PGM1: variants seen among roughly 807,000 people sequenced by gnomAD.
PGM1 encodes the protein phosphoglucomutase-1.
In PGM1, 52 loss-of-function variants were observed where a neutral mutation model predicts 55.6. The observed-to-expected ratio is 0.94, with a 90% CI of 0.75 to 1.18. PGM1 has a LOEUF of 1.18. Ranked by LOEUF, PGM1 falls within the 50% of genes most tolerant of loss-of-function variation. PGM1 has a pLI of 0.00. For synonymous variants in PGM1, 287 were observed against 271.7 expected (o/e 1.06, Z -0.55); for missense variants, 724 against 729.3 (o/e 0.99, Z 0.08).
chr1:63,651,588 A>G, intron 8 of PGM1, 81 bp from the exon 9 acceptor site: 1 of 1,354,122 alleles, frequency 7.4e-7, no homozygotes, highest in Non-Finnish European at 1.0e-6. Flanking sequence ...GGCCAAACAA[A>G]TGATGAAGAA....
At chr1:63,603,988 G>GAGTGCACATATGAGAATCATCTCA (rs997080869) in intron 1 of PGM1, among the ~76,000 whole-genome samples, 2 of 152,176 alleles carry the variant, frequency 1.3e-5, no homozygotes, top group African/African-American at 4.8e-5. Context: ...ATGCTACTCA[G>GAGTGCACATATGAGAATCATCTCA]AGTGCACATA....
At chr1:63,601,138 G>A (rs1359362590) in intron 1 of PGM1, among the ~76,000 whole-genome samples, 1 of 152,188 alleles carries the variant, frequency 6.6e-6, no homozygotes, top group Non-Finnish European at 1.5e-5. Flanking sequence ...GAAGGCGGAA[G>A]AGGAGAAGAG....
chr1:63,634,722 A>G, intron 4 of PGM1, 107 bp from the exon 5 acceptor site: 1 of 871,842 alleles, frequency 1.1e-6, no homozygotes, highest in East Asian at 2.5e-5. Context: ...GTTGTTTCTC[A>G]TGCCATTCTT....
chr1:63,631,176 A>G (rs1213102523), intron 3 of PGM1, among the ~76,000 whole-genome samples: 2 of 152,244 alleles, frequency 1.3e-5, no homozygotes, highest in Non-Finnish European at 2.9e-5. Flanking sequence ...GATTCATTAA[A>G]AAATTTCATT....
In PGM1 at chr1:63,636,381, C is replaced by G; in HGVS notation, c.1021C>G (p.Leu341Val). Residue 341 changes from leucine (L) to valine (V), a missense_variant, in exon 6 of 11, where the codon CTG (leucine) becomes GTG (valine). Leu to Val is a conservative substitution (Grantham distance 32). This residue lies in a region of PGM1 where 316 missense variants were observed against 313.1 expected (regional missense o/e 1.01). Transcript: ENST00000371084. ...ACGGAGCATGCCCACGAGTGGTGCT[C>G]TGGACCGGTAGGTGTCTCCATTCCC... ...FARSMPTSGALDRVASATKIA... is the reference protein window; with the variant it reads ...FARSMPTSGAVDRVASATKIA... 6.2e-7 allele frequency: 1 copy of G among 1,614,062 alleles called. No individual in the cohort carries two copies. The highest frequency in any genetic ancestry group is 1.1e-5 in the South Asian group (1 of 91,076).
At chr1:63,633,287 G>A (rs745985949) in intron 4 of PGM1, among the ~76,000 whole-genome samples, 10 of 152,198 alleles carry the variant, frequency 6.6e-5, no homozygotes, top group Non-Finnish European at 7.4e-5. Flanking sequence ...TTAGGGAAAC[G>A]AGAGGCCTGG....
intron 3 of PGM1, 48 bp from the exon 4 acceptor site, chr1:63,631,609 C>G (rs1649195305): frequency 6.3e-7 from 1 of 1,581,602 alleles, no homozygotes; most frequent in Non-Finnish European, 8.7e-7. Context: ...TATAATATTT[C>G]TAAATGTGTT....
At chr1:63,629,694 G>GA in intron 2 of PGM1, 107 bp downstream of exon 2, 1 of 1,140,650 alleles carries the variant, frequency 8.8e-7, no homozygotes, top group Non-Finnish European at 1.3e-6. Context: ...TTTGCAGGGG[G>GA]TAGGGAGGTG....
At chr1:63,636,442 C>A in intron 6 of PGM1, 54 bp downstream of exon 6, 1 of 1,554,732 alleles carries the variant, frequency 6.4e-7, no homozygotes, top group Non-Finnish European at 8.9e-7. Flanking sequence ...CAGTCTTCAC[C>A]ATACCCTTCA....
At chr1:63,595,576 A>G (rs1398709523) in intron 1 of PGM1, among the ~76,000 whole-genome samples, 1 of 150,776 alleles carries the variant, frequency 6.6e-6, no homozygotes, top group Non-Finnish European at 1.5e-5. Context: ...CCATGAAAGA[A>G]GAACAGACAA....
rs766105398 is a variant in PGM1, at chr1:63,654,439, C to T, written c.1572C>T (p.Asp524=). 18 of 1,613,946 alleles carry T rather than the reference C, an allele frequency of 1.1e-5. No individual in the cohort carries two copies. Among genetic ancestry groups the T allele is most frequent in the South Asian group, 3.3e-5 (3 of 91,086 alleles). The change falls in exon 10 of 11, where the codon GAC becomes GAT. Residue 524 remains aspartate (D), a synonymous_variant. Transcript: ENST00000371084. ...TGTACATCGATAGCTATGAGAAGGA[C>T]GTTGCCAAGATTAACCAGGACCCCC... ...IRLYIDSYEK[D]VAKINQDPQV...
chr1:63,645,142 G>T (rs374267998), intron 7 of PGM1, among the ~76,000 whole-genome samples: 14 of 152,200 alleles, frequency 9.2e-5, no homozygotes, highest in African/African-American at 3.1e-4. Flanking sequence ...TATCCAAAGA[G>T]GCTGAGGATT....
At chr1:63,654,843 T>A (rs1649916890) in intron 10 of PGM1, among the ~76,000 whole-genome samples, 1 of 152,128 alleles carries the variant, frequency 6.6e-6, no homozygotes, top group Non-Finnish European at 1.5e-5. Context: ...TATGAAAATA[T>A]ACTCATTTAA....
intron 8 of PGM1, among the ~76,000 whole-genome samples, chr1:63,649,476 T>A (rs1463146213): frequency 6.6e-6 from 1 of 152,048 alleles, no homozygotes; most frequent in African/African-American, 2.4e-5. Context: ...AGAGAGAAAA[T>A]ATGGTAAAAA....
chr1:63,635,171 C>A, intron 5 of PGM1, 152 bp downstream of exon 5: 1 of 677,912 alleles, frequency 1.5e-6, no homozygotes, highest in Non-Finnish European at 2.7e-6. Flanking sequence ...ATTAGAAGCC[C>A]CTCTTGAACA....
At chr1:63,644,458 AAC>A (rs71738513) in intron 7 of PGM1, among the ~76,000 whole-genome samples, 35,866 of 152,116 alleles carry the variant, frequency 0.24, 4,350 homozygotes, top group East Asian at 0.34. Flanking sequence ...GGAGGAAAAA[AAC>A]ACTAATCCCA....
rs375432694 is a variant in PGM1 at position 63,638,757 on chromosome 1, C to G, written c.1101C>G (p.Asp367Glu). The G allele has an allele frequency of 6.2e-7, 1 of 1,614,016 alleles. No individual in the cohort carries two copies. The highest frequency in any genetic ancestry group is 1.1e-5 in the South Asian group (1 of 91,078). The change falls in exon 7 of 11, where the codon GAC (aspartate) becomes GAG (glutamate). Residue 367 changes from aspartate to glutamate, a missense_variant. This residue lies in a region of PGM1 where 316 missense variants were observed against 313.1 expected (regional missense o/e 1.01). Transcript: ENST00000371084. ...TGWKFFGNLM[D>E]ASKLSLCGEE... ...GGAAGTTTTTTGGGAATTTGATGGA[C>G]GCGAGCAAACTGTCCCTTTGTGGGG...
rs767472938 is a variant in PGM1, at chr1:63,593,689, G to A, written c.201G>A (p.Met67Ile). The A allele has an allele frequency of 1.2e-6, 2 of 1,605,020 alleles. No individual in the cohort carries two copies. The highest frequency in any genetic ancestry group is 4.5e-5 in the East Asian group (2 of 44,466). Residue 67 changes from methionine (M) to isoleucine (I), a missense_variant, in exon 1 of 11, where the codon ATG becomes ATA. Transcript: ENST00000371084. Reference protein sequence around the residue: ...LVVGGDGRFYMKEAIQLIARI... With the variant: ...LVVGGDGRFYIKEAIQLIARI... ...TGGGCGGGGACGGCCGGTTCTACAT[G>A]AAGGAGGCCATCCAGCTCATCGCTC...
intron 9 of PGM1, among the ~76,000 whole-genome samples, chr1:63,653,404 G>A (rs1277608906): frequency 2.6e-5 from 4 of 152,210 alleles, no homozygotes; most frequent in African/African-American, 9.6e-5. Context: ...CATATCCTCT[G>A]TGTATTTCAT....
Sources: allele counts gnomAD v4.1 joint callset (sites outside exome capture counted in the v4.1 genomes callset), GRCh38; gene constraint gnomAD v4.1.1; regional missense constraint gnomAD v4.1.1; transcripts MANE v1.5; gene names NCBI Gene and HGNC (gene_info 2026-07-23, HGNC 2026-07-21).